Variants in UNC80 observed in about 807,000 individuals in gnomAD.
The protein encoded by UNC80 is protein unc-80 homolog.
UNC80 carries 164 observed loss-of-function variants against 384.6 expected under a neutral mutation model. The ratio of observed to expected loss-of-function variants is 0.43; its 90% CI spans 0.38 to 0.49. The LOEUF is 0.49. Among genes scored for constraint, UNC80 ranks in the 20% least tolerant of loss-of-function variants. The pLI, the probability that UNC80 is intolerant of heterozygous loss-of-function variation, is 0.00. For missense variants in UNC80, 3,330 were observed against 4,143.0 expected, an observed-to-expected ratio of 0.80 and a Z score of 5.39; for synonymous variants, 1,486 against 1,527.8, an observed-to-expected ratio of 0.97 and a Z score of 0.64.
At chr2:209,941,887 A>G (rs1275330129) in intron 44 of UNC80, among the ~76,000 whole-genome samples, 3 of 152,176 alleles carry the variant, frequency 2.0e-5, no homozygotes, top group Non-Finnish European at 4.4e-5. Flanking sequence ...TAGCTTGGGG[A>G]ACACAGCAAG....
chr2:209,982,534 A>G (rs1187343013), intron 60 of UNC80: 2 of 445,874 alleles, frequency 4.5e-6, no homozygotes, highest in Non-Finnish European at 7.4e-6. Flanking sequence ...ATTTCCAAGT[A>G]TTGTCTCTCC....
At chr2:209,802,370 A>G (rs1234105901) in intron 7 of UNC80, among the ~76,000 whole-genome samples, 2 of 152,240 alleles carry the variant, frequency 1.3e-5, no homozygotes, top group Non-Finnish European at 2.9e-5. Flanking sequence ...TGAGTTAATC[A>G]TGCCATAATA....
In UNC80 at chr2:209,817,830, G is replaced by A; in HGVS notation, c.1571G>A (p.Gly524Asp). Residue 524 changes from glycine to aspartate, a missense_variant, in exon 11 of 65, where the codon GGC becomes GAC. By Grantham distance (94) the Gly-to-Asp change is moderately conservative. Transcript: ENST00000673920. ...TTILGKLTRR[G>D]SSDAATEMES... is the part of the protein sequence containing the mutation. ...ATCCCAGGGAAATTGACCCGGCGAG[G>A]CAGTTCAGATGCAGCCACTGAGATG... is the stretch of plus-strand genomic sequence containing the variant. 1.9e-6 allele frequency: 3 copies of A among 1,551,582 alleles called. No individual in the cohort carries two copies. The highest frequency in any genetic ancestry group is 1.7e-4 in the Middle Eastern group (1 of 5,992).
At chr2:209,982,437 TA>T (rs1216469493) in intron 60 of UNC80, 120 bp downstream of exon 60, 1 of 1,250,144 alleles carries the variant, frequency 8.0e-7, no homozygotes, top group Admixed American at 3.2e-5. Context: ...TGTTTTTAGA[TA>T]GATCATTCCA....
At chr2:209,936,714 C>T in intron 40 of UNC80, 130 bp from the exon 41 acceptor site, 1 of 640,578 alleles carries the variant, frequency 1.6e-6, no homozygotes, top group Non-Finnish European at 2.8e-6. Context: ...TTACATAAGA[C>T]ATCAATATAT....
At chr2:209,828,571 A>G (rs1194377094) in intron 14 of UNC80, among the ~76,000 whole-genome samples, 1 of 151,918 alleles carries the variant, frequency 6.6e-6, no homozygotes, top group Non-Finnish European at 1.5e-5. Flanking sequence ...AAATGATGAT[A>G]TAACTAAATT....
intron 51 of UNC80, chr2:209,960,993 G>C (rs1243552766): frequency 6.6e-6 from 1 of 152,192 alleles, no homozygotes; most frequent in Non-Finnish European, 1.5e-5. Context: ...CACATTCCCA[G>C]AGTCAGAAAA....
At chr2:209,857,601 A>G (rs761943292) in intron 22 of UNC80, among the ~76,000 whole-genome samples, 14 of 151,596 alleles carry the variant, frequency 9.2e-5, no homozygotes, top group Non-Finnish European at 1.5e-4. Flanking sequence ...ATTTTCTCTC[A>G]TGCTTTGGGC....
rs1349550558 is a variant in UNC80, at chr2:209,805,961, AT to A, written c.939-7614del. On this transcript the variant is annotated intron_variant, in intron 7 of 64. Transcript: ENST00000673920. ...TGTCACCATCATTTAATATATTAAAATTTTTGTGGCTATTTCTGTACATATT... is the reference window on the plus strand; with the variant it reads ...TGTCACCATCATTTAATATATTAAAATTTTGTGGCTATTTCTGTACATATT... 2.6e-5 allele frequency among the ~76,000 whole-genome samples: 4 copies of A among 152,158 alleles called. No homozygotes were observed. The East Asian group carries it at 5.8e-4, about 22-fold the overall frequency.
intron 27 of UNC80, among the ~76,000 whole-genome samples, chr2:209,895,504 A>T (rs1300928674): frequency 1.3e-5 from 2 of 152,302 alleles, no homozygotes; most frequent in East Asian, 3.9e-4. Flanking sequence ...ACTTTTTTTT[A>T]AAGTATATAT....
chr2:209,933,780 G>C (rs977108086), intron 38 of UNC80, 42 bp from the exon 39 acceptor site: 38 of 1,488,002 alleles, frequency 2.6e-5, no homozygotes, highest in African/African-American at 8.5e-5. Flanking sequence ...GTGAGCTCGG[G>C]ATTATTGTAG....
chr2:209,915,406 A>G (rs1320360199), intron 31 of UNC80, among the ~76,000 whole-genome samples: 1 of 62,166 alleles, frequency 1.6e-5, no homozygotes, highest in African/African-American at 6.9e-5. Context: ...CTCTGTCTCA[A>G]AAAAAAAAAA....
intron 6 of UNC80, among the ~76,000 whole-genome samples, chr2:209,793,275 T>A (rs981986236): frequency 6.6e-6 from 1 of 152,196 alleles, no homozygotes. Context: ...TCTCCACTGA[T>A]GAATGAAGGA....
chr2:209,861,295 T>C (rs2083328540), intron 22 of UNC80, among the ~76,000 whole-genome samples: 1 of 152,238 alleles, frequency 6.6e-6, no homozygotes, highest in Non-Finnish European at 1.5e-5. Flanking sequence ...TCTGCACCTA[T>C]TGAGATAATC....
At chr2:209,946,212 A>G (rs1359868823) in intron 47 of UNC80, among the ~76,000 whole-genome samples, 1 of 152,036 alleles carries the variant, frequency 6.6e-6, no homozygotes, top group South Asian at 2.1e-4. Flanking sequence ...ATTTTAAAAA[A>G]TTAAAAATTA....
At position 209,881,081 on chromosome 2, in the gene UNC80, C is replaced by T; in HGVS notation, c.4097C>T (p.Thr1366Ile). 6.4e-7 allele frequency: 1 copy of T among 1,551,696 alleles called. No individual in the cohort carries two copies. The highest frequency in any genetic ancestry group is 8.7e-7 in the Non-Finnish European group (1 of 1,146,996). ...TTTTCTTGCCTGCCCAGACCTCGCA[C>T]TGAGCCTCTGGTGGTAAGTTAAAGC... ...ETFSCLPRPR[T>I]EPLVDLESCR... The change falls in exon 25 of 65, where the codon ACT becomes ATT. Residue 1366 changes from threonine (T) to isoleucine (I), a missense_variant. Coordinates refer to ENST00000673920, the MANE Select transcript of UNC80 (RefSeq NM_001371986.1).
Position 209,912,587 on chromosome 2 carries a change from C to T in UNC80, c.4810C>T (p.Pro1604Ser), listed in dbSNP as rs2089073709. The T allele has an allele frequency of 6.4e-7, 1 of 1,551,242 alleles. No homozygotes were observed. The highest frequency in any genetic ancestry group is 8.7e-7 in the Non-Finnish European group (1 of 1,146,694). ...CTCAGATAAGTCATGCCTGAGGACA[C>T]CTTCTCTAAAGAAGAGAGTTTCAGA... Reference protein sequence around the residue: ...ECSDKSCLRTPSLKKRVSDAN... With the variant: ...ECSDKSCLRTSSLKKRVSDAN... The change falls in exon 30 of 65, where the codon CCT (proline) becomes TCT (serine). Residue 1604 changes from proline to serine, a missense_variant. By Grantham distance (74) the Pro-to-Ser change is moderately conservative. This residue lies in a region of UNC80 where 801 missense variants were observed against 950.8 expected (regional missense o/e 0.84). Transcript: ENST00000673920.
intron 47 of UNC80, 84 bp downstream of exon 47, chr2:209,946,027 G>A (rs1315098116): frequency 1.0e-6 from 1 of 991,954 alleles, no homozygotes; most frequent in Non-Finnish European, 1.5e-6. Context: ...AGGTTATGCT[G>A]ATTAATATCA....
At position 209,919,260 on chromosome 2, in the gene UNC80, G is replaced by T. The variant is rs560672566; in HGVS notation, c.5343+597G>T. On this transcript the variant is annotated intron_variant, in intron 33 of 64. Coordinates refer to ENST00000673920, the MANE Select transcript of UNC80 (RefSeq NM_001371986.1). ...TCTTCAGAATATGCCTTTTTCACCT[G>T]TTTAATAGTATTTTTCTAAATTACA... Among the ~76,000 whole-genome samples, 22 of 152,142 alleles carry T rather than the reference G, an allele frequency of 1.4e-4. No homozygotes were observed. The South Asian group carries it at 4.6e-3, about 32-fold the overall frequency.
Sources: gnomAD v4.1 joint callset for allele counts (sites outside exome capture counted in the v4.1 genomes callset) on GRCh38, gnomAD v4.1.1 for gene constraint, gnomAD v4.1.1 regional missense constraint, MANE v1.5 for transcripts, NCBI Gene and HGNC (gene_info 2026-07-23, HGNC 2026-07-21) for gene names.